Variants in FSTL5 observed in about 807,000 individuals in gnomAD.
The protein encoded by FSTL5 is follistatin-related protein 5.
A neutral mutation model predicts 89.1 loss-of-function variants in FSTL5; 62 were observed. The observed-to-expected ratio is 0.70, with a 90% CI of 0.57 to 0.86. FSTL5 has a LOEUF of 0.86. Among genes scored for constraint, FSTL5 ranks in the 40% least tolerant of loss-of-function variants. The pLI is 0.00. For missense variants in FSTL5, 1,057 were observed against 1,001.6 expected (o/e 1.06, Z -0.75); for synonymous variants, 383 against 346.2 (o/e 1.11, Z -1.18).
intron 1 of FSTL5, among the ~76,000 whole-genome samples, chr4:162,117,230 C>A (rs533761119): frequency 6.6e-6 from 1 of 152,274 alleles, no homozygotes; most frequent in African/African-American, 2.4e-5. Context: ...AACTGATTAC[C>A]CTGGGTGGGC....
chr4:161,925,449 C>T (rs570040488), intron 3 of FSTL5, among the ~76,000 whole-genome samples: 2 of 151,870 alleles, frequency 1.3e-5, no homozygotes, highest in East Asian at 3.9e-4. Context: ...AATCAGAATC[C>T]TCTATTTGTA....
At chr4:161,540,564 A>T (rs1185291777) in intron 9 of FSTL5, among the ~76,000 whole-genome samples, 1 of 151,936 alleles carries the variant, frequency 6.6e-6, no homozygotes, top group Non-Finnish European at 1.5e-5. Flanking sequence ...CTTATTTCTT[A>T]TTGATTTCTA....
chr4:161,476,263 C>T (rs1227026106), intron 13 of FSTL5, among the ~76,000 whole-genome samples: 3 of 142,734 alleles, frequency 2.1e-5, no homozygotes, highest in African/African-American at 7.9e-5. Context: ...TATCAGCTCA[C>T]CGCAGGCTCT....
chr4:161,386,359 G>A lies in FSTL5; in HGVS notation c.1932C>T (p.Asp644=). 3 of 1,613,818 alleles carry A rather than the reference G, an allele frequency of 1.9e-6. No individual in the cohort carries two copies. The highest frequency in any genetic ancestry group is 2.5e-6 in the Non-Finnish European group (3 of 1,179,840). The change falls in exon 16 of 16, where the codon GAC becomes GAT. Residue 644 remains aspartate (D), a synonymous_variant. Transcript: ENST00000306100. ...CCAATGACTGAGGAACGCACTTATA[G>A]TCCTTCAAGTTAATTGTCTTGATGT... The part of the protein sequence containing the change: ...MSYIKTINLK[D]YKCVPQSLAY...
chr4:161,601,688 G>A (rs1734242832), intron 7 of FSTL5, among the ~76,000 whole-genome samples: 1 of 152,048 alleles, frequency 6.6e-6, no homozygotes. Context: ...TTAAAACTGA[G>A]GATGGACCAG....
intron 4 of FSTL5, among the ~76,000 whole-genome samples, chr4:161,779,791 A>ATATGTATATATATATG (rs1741575821): frequency 9.7e-5 from 5 of 51,556 alleles, no homozygotes; most frequent in Non-Finnish European, 1.5e-4. Context: ...ATATATATAT[A>ATATGTATATATATATG]TATATATATA....
intron 7 of FSTL5, among the ~76,000 whole-genome samples, chr4:161,630,922 T>A (rs1194884502): frequency 4.6e-5 from 7 of 152,222 alleles, no homozygotes; most frequent in Admixed American, 2.6e-4. Context: ...AACTTTTAAC[T>A]GTTTTCTTAA....
At chr4:161,645,380 C>A (rs545760732) in intron 7 of FSTL5, among the ~76,000 whole-genome samples, 1 of 150,848 alleles carries the variant, frequency 6.6e-6, no homozygotes, top group East Asian at 1.9e-4. Context: ...AATATTTCTG[C>A]CACTCACTTA....
rs555325829 is a variant in FSTL5 at position 161,431,237 on chromosome 4, CACA to C, written c.1841+23764_1841+23766del. ...AAAATGAACCTATCAAAATAATAAG[CACA>C]ACAACTTTTCAAGACATAGTACAAT... is the stretch of plus-strand genomic sequence containing the variant. On this transcript the variant is annotated intron_variant, in intron 15 of 15. Coordinates refer to ENST00000306100, the MANE Select transcript of FSTL5 (RefSeq NM_020116.5). Among the ~76,000 whole-genome samples the C allele has an allele frequency of 1.1e-3, 172 of 151,976 alleles. 1 individual carries two copies. Among genetic ancestry groups the C allele is most frequent in the African/African-American group, 3.0e-3 (126 of 41,466 alleles).
chr4:161,697,694 C>T (rs572761552), intron 6 of FSTL5, among the ~76,000 whole-genome samples: 24 of 152,134 alleles, frequency 1.6e-4, no homozygotes, highest in African/African-American at 4.1e-4. Flanking sequence ...TCCTGTCATT[C>T]GCTGTAATGT....
At chr4:162,124,461 T>C (rs1443812024) in intron 1 of FSTL5, among the ~76,000 whole-genome samples, 1 of 152,152 alleles carries the variant, frequency 6.6e-6, no homozygotes, top group Non-Finnish European at 1.5e-5. Context: ...CCAGTATAAC[T>C]GGTTGGGCCC....
chr4:161,903,094 C>T (rs775399332), intron 4 of FSTL5, among the ~76,000 whole-genome samples: 14 of 151,966 alleles, frequency 9.2e-5, no homozygotes, highest in Non-Finnish European at 1.5e-4. Context: ...AAATGTTATC[C>T]CTTTAATAGG....
chr4:161,693,883 C>G (rs756295334), intron 6 of FSTL5, among the ~76,000 whole-genome samples: 2 of 152,024 alleles, frequency 1.3e-5, no homozygotes, highest in Non-Finnish European at 2.9e-5. Context: ...CTTGATCTGC[C>G]CACCTCAGCC....
intron 13 of FSTL5, among the ~76,000 whole-genome samples, chr4:161,475,116 C>A (rs973676439): frequency 2.0e-5 from 3 of 149,814 alleles, no homozygotes; most frequent in Non-Finnish European, 4.4e-5. Context: ...AATCTGATAG[C>A]AATCTTATTG....
chr4:161,800,452 T>A (rs1191098424), intron 4 of FSTL5, among the ~76,000 whole-genome samples: 2 of 151,378 alleles, frequency 1.3e-5, no homozygotes, highest in Non-Finnish European at 3.0e-5. Flanking sequence ...CATTTCAGAG[T>A]CTTCATATAG....
intron 15 of FSTL5, among the ~76,000 whole-genome samples, chr4:161,418,371 A>C (rs1204829680): frequency 6.6e-6 from 1 of 152,070 alleles, no homozygotes; most frequent in Non-Finnish European, 1.5e-5. Context: ...ATACAAATGC[A>C]TGACAATAAA....
At chr4:161,699,636 G>A (rs1297623384) in intron 6 of FSTL5, among the ~76,000 whole-genome samples, 1 of 152,184 alleles carries the variant, frequency 6.6e-6, no homozygotes, top group Non-Finnish European at 1.5e-5. Context: ...CAATGAGAAT[G>A]TAACTTTTGC....
chr4:161,911,701 A>T (rs6536628), intron 4 of FSTL5, among the ~76,000 whole-genome samples: 124,824 of 152,114 alleles, frequency 0.82, 52,040 homozygotes, highest in Non-Finnish European at 0.9. Flanking sequence ...TAGCTAGATG[A>T]TATGATGTCT....
chr4:161,480,291 A>C (rs1301853164), intron 13 of FSTL5, among the ~76,000 whole-genome samples: 2 of 152,166 alleles, frequency 1.3e-5, no homozygotes, highest in Admixed American at 1.3e-4. Flanking sequence ...GATTATACAT[A>C]TCTCATAAAG....
Sources: allele counts gnomAD v4.1 joint callset (sites outside exome capture counted in the v4.1 genomes callset), GRCh38; gene constraint gnomAD v4.1.1; transcripts MANE v1.5; gene names NCBI Gene and HGNC (gene_info 2026-07-23, HGNC 2026-07-21).